Variants in ABTB2 observed in about 807,000 individuals in gnomAD.
ABTB2 encodes ankyrin repeat and BTB domain containing 2.
Under a neutral mutation model 104.1 loss-of-function variants are expected in ABTB2, and 56 were observed. The ratio of observed to expected loss-of-function variants is 0.54; its 90% CI spans 0.43 to 0.67. The LOEUF is 0.67. ABTB2 is among the 30% of genes least tolerant of loss of function. ABTB2 has a pLI of 0.00. For synonymous variants in ABTB2, 606 were observed against 608.2 expected, an observed-to-expected ratio of 1.00 and a Z score of 0.05; for missense variants, 1,279 against 1,407.7, an observed-to-expected ratio of 0.91 and a Z score of 1.46.
chr11:34,275,228 C>T (rs1190490805), intron 1 of ABTB2, among the ~76,000 whole-genome samples: 1 of 152,234 alleles, frequency 6.6e-6, no homozygotes, highest in Non-Finnish European at 1.5e-5. Context: ...CAAGCCCTGA[C>T]TCCAACAGGG....
At chr11:34,165,824 C>T (rs1852793053) in intron 7 of ABTB2, among the ~76,000 whole-genome samples, 1 of 152,240 alleles carries the variant, frequency 6.6e-6, no homozygotes, top group Non-Finnish European at 1.5e-5. Context: ...CCTCAGTCTT[C>T]CTCATTCACA....
At chr11:34,310,119 G>C (rs914150370) in intron 1 of ABTB2, among the ~76,000 whole-genome samples, 9 of 152,140 alleles carry the variant, frequency 5.9e-5, no homozygotes, top group African/African-American at 2.2e-4. Flanking sequence ...TATGTCTCCT[G>C]CTCATCAATG....
intron 14 of ABTB2, among the ~76,000 whole-genome samples, chr11:34,158,437 GA>G (rs1236431944): frequency 6.6e-6 from 1 of 152,088 alleles, no homozygotes; most frequent in Non-Finnish European, 1.5e-5. Context: ...AGCCATTTTA[GA>G]GGTGGCCCCA....
At chr11:34,236,580 C>T (rs1348210401) in intron 1 of ABTB2, among the ~76,000 whole-genome samples, 1 of 152,188 alleles carries the variant, frequency 6.6e-6, no homozygotes, top group Non-Finnish European at 1.5e-5. Context: ...TGATGCCTCC[C>T]CGGCACCCCC....
intron 1 of ABTB2, among the ~76,000 whole-genome samples, chr11:34,263,801 G>A (rs1421285967): frequency 6.6e-6 from 1 of 152,174 alleles, no homozygotes; most frequent in Non-Finnish European, 1.5e-5. Context: ...CCCACAAAGT[G>A]ACACACGACA....
At position 34,152,591 on chromosome 11, in the gene ABTB2, G is replaced by A. The variant is rs781613403; in HGVS notation, c.2881-7C>T. On this transcript the variant is annotated splice_region_variant and splice_polypyrimidine_tract_variant and intron_variant, in intron 16 of 16. Transcript: ENST00000435224. ...GTTCTGGGGCATTGTGGATCTGTAG[G>A]GCAGAGAGAGGAGGGGTGAAGCCCA... 25 of 1,588,140 alleles carry A rather than the reference G, an allele frequency of 1.6e-5. No homozygotes were observed. Among genetic ancestry groups the A allele is most frequent in the Non-Finnish European group, 2.1e-5 (24 of 1,158,896 alleles).
chr11:34,333,618 T>C (rs1296372227), intron 1 of ABTB2, among the ~76,000 whole-genome samples: 5 of 152,088 alleles, frequency 3.3e-5, no homozygotes, highest in Admixed American at 2.0e-4. Flanking sequence ...TAGCTGGGCA[T>C]CGTGGTGCTC....
intron 1 of ABTB2, among the ~76,000 whole-genome samples, chr11:34,229,516 T>A (rs952837825): frequency 1.3e-5 from 2 of 151,868 alleles, no homozygotes; most frequent in Non-Finnish European, 2.9e-5. Context: ...TTATTTATTC[T>A]TTGCTACCAA....
rs528459515 is a variant in ABTB2 at position 34,252,106 on chromosome 11, C to A, written c.884-47416G>T. Among the ~76,000 whole-genome samples the A allele has an allele frequency of 1.3e-5, 2 of 152,118 alleles. No homozygotes were observed. Among genetic ancestry groups the A allele is most frequent in the South Asian group, 4.1e-4 (2 of 4,820 alleles). ...AAGCTGCAAAACTCACAGCAAGGCC[C>A]GGATGGTGGTTCGGAGTTCATGCTC... On this transcript the variant is annotated intron_variant, in intron 1 of 16. Coordinates refer to ENST00000435224, the MANE Select transcript of ABTB2 (RefSeq NM_145804.3). This position sits in a 1 kb window ranked among gnomAD's most constrained non-coding sequence, Gnocchi z 5.5.
intron 1 of ABTB2, among the ~76,000 whole-genome samples, chr11:34,224,054 A>G (rs1227281114): frequency 1.3e-5 from 2 of 152,084 alleles, no homozygotes; most frequent in East Asian, 3.8e-4. Context: ...TAATTTTGAG[A>G]CAGGGTCTTG....
intron 3 of ABTB2, among the ~76,000 whole-genome samples, chr11:34,185,632 G>T (rs1442302466): frequency 1.3e-5 from 2 of 152,182 alleles, no homozygotes; most frequent in African/African-American, 4.8e-5. Flanking sequence ...AAGGTGATTA[G>T]TCTGGTTCTA....
rs1427471016 is a variant in ABTB2, at chr11:34,171,036, T to G, written c.1433A>C (p.Asp478Ala). The change falls in exon 5 of 17, where the codon GAT becomes GCT. Residue 478 changes from aspartate to alanine, a missense_variant. By Grantham distance (126) the Asp-to-Ala change is moderately radical. Coordinates refer to ENST00000435224, the MANE Select transcript of ABTB2 (RefSeq NM_145804.3). Reference sequence around the variant, plus strand: ...GAATTTTTCAGTAGCTGCTCGGGCATCCAGCCTCCGGAAGGAACTGAAACA... The same window carrying G: ...GAATTTTTCAGTAGCTGCTCGGGCAGCCAGCCTCCGGAAGGAACTGAAACA... The part of the protein sequence containing the change: ...EHCFSSFRRL[D>A]ARAATEKFNQ... 2 of 1,614,144 alleles carry G rather than the reference T, an allele frequency of 1.2e-6. No homozygotes were observed. The highest frequency in any genetic ancestry group is 1.7e-6 in the Non-Finnish European group (2 of 1,180,030).
intron 1 of ABTB2, among the ~76,000 whole-genome samples, chr11:34,284,246 A>C (rs1172565009): frequency 6.6e-6 from 1 of 152,254 alleles, no homozygotes; most frequent in Admixed American, 6.5e-5. Flanking sequence ...ATCATCCTGT[A>C]GGGCAGAGAT....
intron 1 of ABTB2, among the ~76,000 whole-genome samples, chr11:34,309,921 A>G (rs190296200): frequency 6.6e-5 from 10 of 152,242 alleles, no homozygotes; most frequent in Admixed American, 6.5e-4. Flanking sequence ...TTTATATCTC[A>G]TTGTGCATTT....
intron 1 of ABTB2, among the ~76,000 whole-genome samples, chr11:34,295,054 C>T (rs1360352202): frequency 6.6e-6 from 1 of 152,130 alleles, no homozygotes; most frequent in East Asian, 1.9e-4. Context: ...CATGGAGGTG[C>T]AAGCCTGTAG....
At chr11:34,314,405 G>A (rs1354876901) in intron 1 of ABTB2, among the ~76,000 whole-genome samples, 1 of 152,226 alleles carries the variant, frequency 6.6e-6, no homozygotes, top group African/African-American at 2.4e-5. Context: ...CTCCAAGGCT[G>A]AGCCAGCGCT....
intron 1 of ABTB2, among the ~76,000 whole-genome samples, chr11:34,292,683 G>T (rs1188413905): frequency 1.3e-5 from 2 of 152,212 alleles, no homozygotes; most frequent in Non-Finnish European, 2.9e-5. Flanking sequence ...AGGAAGAAAA[G>T]TCAAGCCAGG....
intron 1 of ABTB2, among the ~76,000 whole-genome samples, chr11:34,294,566 G>A (rs796888918): frequency 2.0e-4 from 30 of 152,206 alleles, no homozygotes; most frequent in African/African-American, 6.7e-4. Context: ...CATGAGGCCA[G>A]GTGAAAAGAC....
intron 2 of ABTB2, among the ~76,000 whole-genome samples, chr11:34,200,604 T>C (rs1203644044): frequency 6.6e-6 from 1 of 152,206 alleles, no homozygotes; most frequent in Admixed American, 6.5e-5. Flanking sequence ...CCTAGGGTGA[T>C]TTTTGCTCCC....
Sources: gnomAD v4.1 joint callset for allele counts (sites outside exome capture counted in the v4.1 genomes callset) on GRCh38, gnomAD v4.1.1 for gene constraint, Gnocchi (gnomAD v3.1) non-coding constraint, MANE v1.5 for transcripts, NCBI Gene and HGNC (gene_info 2026-07-23, HGNC 2026-07-21) for gene names.